MARCHF1: variants seen among roughly 807,000 people sequenced by gnomAD.
The protein encoded by MARCHF1 is E3 ubiquitin-protein ligase MARCHF1.
In MARCHF1, 40 loss-of-function variants were observed where a neutral mutation model predicts 54.2. That is an observed-to-expected ratio of 0.74 (90% CI 0.57 to 0.96). The LOEUF (loss-of-function observed/expected upper bound fraction) is 0.96, where lower values mean the gene tolerates loss of function less well. Ranked by LOEUF, MARCHF1 falls within the 40% of genes least tolerant of loss-of-function variation. The pLI is 0.00. For missense variants in MARCHF1, 586 were observed against 656.5 expected, an observed-to-expected ratio of 0.89 and a Z score of 1.17; for synonymous variants, 236 against 236.3, an observed-to-expected ratio of 1.00 and a Z score of 0.01.
intron 1 of MARCHF1, among the ~76,000 whole-genome samples, chr4:164,222,678 C>T (rs1404206014): frequency 6.6e-6 from 1 of 151,780 alleles, no homozygotes; most frequent in Non-Finnish European, 1.5e-5. Context: ...TCATTTATAA[C>T]AAATGTCTAA....
intron 4 of MARCHF1, among the ~76,000 whole-genome samples, chr4:163,825,554 C>T (rs1748825713): frequency 6.6e-6 from 1 of 152,018 alleles, no homozygotes; most frequent in Non-Finnish European, 1.5e-5. Context: ...ATTTACATTC[C>T]CACCAGCAGT....
intron 3 of MARCHF1, among the ~76,000 whole-genome samples, chr4:163,884,086 C>A (rs1444479349): frequency 1.3e-5 from 2 of 152,084 alleles, no homozygotes; most frequent in African/African-American, 4.8e-5. Flanking sequence ...TGTCTGGAAA[C>A]TGGTTTCTGA....
intron 4 of MARCHF1, among the ~76,000 whole-genome samples, chr4:163,804,219 T>C (rs1253730723): frequency 6.6e-6 from 1 of 152,184 alleles, no homozygotes; most frequent in Non-Finnish European, 1.5e-5. Flanking sequence ...AACCACCATC[T>C]AGAGACATGG....
intron 5 of MARCHF1, among the ~76,000 whole-genome samples, chr4:163,629,571 C>G (rs1227067742): frequency 6.6e-6 from 1 of 152,124 alleles, no homozygotes; most frequent in Non-Finnish European, 1.5e-5. Context: ...TCTAATTAAA[C>G]TAAAAGAGCC....
intron 5 of MARCHF1, among the ~76,000 whole-genome samples, chr4:163,635,718 G>C (rs1337043218): frequency 3.3e-5 from 5 of 151,964 alleles, no homozygotes; most frequent in Non-Finnish European, 7.4e-5. Flanking sequence ...AATAGAAAAA[G>C]AGGGAATCCT....
intron 4 of MARCHF1, among the ~76,000 whole-genome samples, chr4:163,773,870 T>A (rs1218902802): frequency 1.3e-5 from 2 of 152,172 alleles, no homozygotes; most frequent in Non-Finnish European, 2.9e-5. Flanking sequence ...TCATAAACAT[T>A]TTTACAATAA....
At chr4:163,998,096 A>G (rs958469265) in intron 2 of MARCHF1, among the ~76,000 whole-genome samples, 1 of 151,402 alleles carries the variant, frequency 6.6e-6, no homozygotes, top group South Asian at 2.1e-4. Flanking sequence ...GAGAGGGCAT[A>G]AAATAAATTA....
At chr4:163,662,602 T>A (rs952686140) in intron 5 of MARCHF1, among the ~76,000 whole-genome samples, 2 of 152,068 alleles carry the variant, frequency 1.3e-5, no homozygotes, top group South Asian at 2.1e-4. Flanking sequence ...TCTCTCTCTG[T>A]CTCTGATAGA....
In MARCHF1 at chr4:163,906,906, A is replaced by G. The variant is rs546537221; in HGVS notation, c.-38-52737T>C. Among the ~76,000 whole-genome samples the G allele has an allele frequency of 7.9e-5, 12 of 152,004 alleles. No homozygotes were observed. In the East Asian group the frequency reaches 2.1e-3, roughly 27 times the overall value. ...TGTATGCTTTTGAGATTCATTGAAA[A>G]TCAATAAAGTATTTTTATGAATATT... On this transcript the variant is annotated intron_variant, in intron 3 of 9. Transcript: ENST00000514618.
chr4:164,355,602 AC>A (rs1225316783), intron 1 of MARCHF1, among the ~76,000 whole-genome samples: 1 of 69,162 alleles, frequency 1.4e-5, no homozygotes, highest in African/African-American at 4.7e-5. Context: ...TACACCTTAT[AC>A]AAAAATCAAT....
intron 1 of MARCHF1, among the ~76,000 whole-genome samples, chr4:164,116,405 A>G (rs1025110421): frequency 2.6e-5 from 4 of 152,182 alleles, no homozygotes; most frequent in Non-Finnish European, 4.4e-5. Flanking sequence ...ACTCCATTGC[A>G]CTGAATATTC....
chr4:164,126,777 G>T (rs1228023721), intron 1 of MARCHF1, among the ~76,000 whole-genome samples: 1 of 152,064 alleles, frequency 6.6e-6, no homozygotes, highest in Non-Finnish European at 1.5e-5. Context: ...AGGAAATGAG[G>T]ACTGCGCAGT....
At chr4:164,317,440 T>C (rs369053312) in intron 1 of MARCHF1, among the ~76,000 whole-genome samples, 2 of 152,158 alleles carry the variant, frequency 1.3e-5, no homozygotes, top group East Asian at 3.9e-4. Context: ...GGAGGACAAT[T>C]GCTTTCTTCA....
At chr4:163,654,330 G>A (rs1036923469) in intron 5 of MARCHF1, among the ~76,000 whole-genome samples, 2 of 151,612 alleles carry the variant, frequency 1.3e-5, no homozygotes, top group African/African-American at 4.8e-5. Flanking sequence ...AAGAAAAAAG[G>A]AAAATTTGGG....
At chr4:164,380,697 C>T (rs1027042763) in intron 1 of MARCHF1, among the ~76,000 whole-genome samples, 18 of 152,122 alleles carry the variant, frequency 1.2e-4, no homozygotes, top group African/African-American at 4.1e-4. Flanking sequence ...AATATTAGAT[C>T]ATCACACTCC....
rs1002131719 is a variant in MARCHF1 at position 163,900,297 on chromosome 4, G to A, written c.-38-46128C>T. Among the ~76,000 whole-genome samples, 4 of 151,226 alleles carry A rather than the reference G, an allele frequency of 2.6e-5. No individual in the cohort carries two copies. The East Asian group carries it at 7.7e-4, about 29-fold the overall frequency. On this transcript the variant is annotated intron_variant, in intron 3 of 9. Coordinates refer to ENST00000514618, the MANE Select transcript of MARCHF1 (RefSeq NM_001394959.1). ...TTAAAAAAATATTTAGGGAGAACTG[G>A]CAAGCAGACATCGTTATGTTCCTAC...
intron 4 of MARCHF1, among the ~76,000 whole-genome samples, chr4:163,744,298 T>C (rs1029995397): frequency 2.6e-5 from 4 of 152,202 alleles, no homozygotes; most frequent in Admixed American, 6.5e-5. Context: ...TTTATTTCCA[T>C]ATTTTAGGTG....
chr4:163,544,156 C>T (rs1289684260), intron 9 of MARCHF1, among the ~76,000 whole-genome samples: 1 of 152,094 alleles, frequency 6.6e-6, no homozygotes, highest in East Asian at 1.9e-4. Context: ...GTACCTATAT[C>T]AAGAGAGGAC....
chr4:163,785,211 TA>T (rs1402961184), intron 4 of MARCHF1, among the ~76,000 whole-genome samples: 6 of 152,146 alleles, frequency 3.9e-5, no homozygotes, highest in Admixed American at 3.9e-4. Context: ...AAAATTTAAG[TA>T]CTCCAATTTG....
Sources: allele counts gnomAD v4.1 joint callset (sites outside exome capture counted in the v4.1 genomes callset), GRCh38; gene constraint gnomAD v4.1.1; transcripts MANE v1.5; gene names NCBI Gene and HGNC (gene_info 2026-07-23, HGNC 2026-07-21).